The following TNNI3K variants were observed in gnomAD, a reference collection of about 807,000 sequenced individuals.
TNNI3K encodes serine/threonine-protein kinase TNNI3K.
Under a neutral mutation model 114.5 loss-of-function variants are expected in TNNI3K, and 140 were observed. The ratio of observed to expected loss-of-function variants is 1.22; its 90% CI spans 1.07 to 1.41. The LOEUF is 1.41. Ranked by LOEUF, TNNI3K falls within the 40% of genes most tolerant of loss-of-function variation. The probability of loss-of-function intolerance (pLI) is 0.00; values close to 1 mark genes in which losing one functional copy is unlikely to be tolerated. For missense variants in TNNI3K, 1,125 were observed against 1,007.6 expected, an observed-to-expected ratio of 1.12 and a Z score of -1.58; for synonymous variants, 347 against 347.5, an observed-to-expected ratio of 1.00 and a Z score of 0.02.
rs45608636 is a variant in TNNI3K at position 74,463,626 on chromosome 1, A to G, written c.2121+76A>G. 2,523 of 1,518,502 alleles carry G rather than the reference A, an allele frequency of 1.7e-3. 36 individuals carry two copies. In the African/African-American group the frequency reaches 0.031, roughly 18 times the overall value. 94.1% of individuals were successfully genotyped at this position (1,518,502 alleles called of 1,614,324 possible). A position where few individuals can be genotyped will look rare whatever the true frequency, so the allele number is the denominator to read the frequency against. ...CACAAATAGTATAACTCCAAAGTCT[A>G]CTTTCAGTGTGTATTTTAAGACTGT... is the stretch of plus-strand genomic sequence containing the variant. On this transcript the variant is annotated intron_variant, in intron 21 of 24. Coordinates refer to ENST00000326637, the MANE Select transcript of TNNI3K (RefSeq NM_015978.3).
chr1:74,436,001 T>C (rs1046475593), intron 17 of TNNI3K, 79 bp from the exon 18 acceptor site: 2 of 1,540,798 alleles, frequency 1.3e-6, no homozygotes, highest in Non-Finnish European at 1.7e-6. Flanking sequence ...TCTATGGTCC[T>C]CTTCTTTGAG....
At chr1:74,239,873 G>A in intron 2 of TNNI3K, 1 of 456,584 alleles carries the variant, frequency 2.2e-6, no homozygotes, top group Non-Finnish European at 4.6e-6. Flanking sequence ...CTTGATGTGG[G>A]AGAGAGGGGA....
chr1:74,323,887 G>C (rs1297055512), intron 5 of TNNI3K, among the ~76,000 whole-genome samples: 4 of 152,082 alleles, frequency 2.6e-5, no homozygotes, highest in Non-Finnish European at 5.9e-5. Flanking sequence ...CTTAAGAGAT[G>C]AACCGAAAAA....
At chr1:74,254,654 C>T (rs1263767152) in intron 4 of TNNI3K, among the ~76,000 whole-genome samples, 1 of 152,082 alleles carries the variant, frequency 6.6e-6, no homozygotes, top group Non-Finnish European at 1.5e-5. Flanking sequence ...AATTATACAC[C>T]CTGGCATGCT....
intron 17 of TNNI3K, chr1:74,373,998 C>T (rs992310004): frequency 6.6e-6 from 1 of 151,884 alleles, no homozygotes; most frequent in African/African-American, 2.4e-5. Context: ...TGCATATTTC[C>T]TATGCACATC....
rs150244105 is a variant in TNNI3K, at chr1:74,309,824, C to T, written c.445-21626C>T. Among the ~76,000 whole-genome samples the T allele has an allele frequency of 3.0e-3, 451 of 152,222 alleles. 2 individuals are homozygous for T. The highest frequency in any genetic ancestry group is 0.011 in the African/African-American group (440 of 41,542). On this transcript the variant is annotated intron_variant, in intron 5 of 24. Coordinates refer to ENST00000326637, the MANE Select transcript of TNNI3K (RefSeq NM_015978.3). ...AAACTTACTTCAAAATAGTAAGAGC[C>T]ATCTATGACAAACTATTACCCAACA...
At chr1:74,236,014 A>C (rs918634486) in intron 1 of TNNI3K, 88 bp from the exon 2 acceptor site, 2 of 913,208 alleles carry the variant, frequency 2.2e-6, no homozygotes, top group East Asian at 5.4e-5. Context: ...AGAATAAAAA[A>C]CAGTTTTGAT....
At chr1:74,451,743 C>CTTTCT (rs1557575292) in intron 20 of TNNI3K, among the ~76,000 whole-genome samples, 3 of 45,122 alleles carry the variant, frequency 6.6e-5, no homozygotes, top group Non-Finnish European at 1.4e-4. Context: ...TTCTTTCTTT[C>CTTTCT]TTTCTTTTCT....
intron 23 of TNNI3K, among the ~76,000 whole-genome samples, chr1:74,530,010 C>G (rs1355909): frequency 0.94 from 142,817 of 152,160 alleles, 67,148 homozygotes; most frequent in Middle Eastern, 0.97. Flanking sequence ...TGTCACCCAG[C>G]CTGGAGAACA....
chr1:74,478,755 T>C (rs1668330673), intron 21 of TNNI3K, among the ~76,000 whole-genome samples: 1 of 152,242 alleles, frequency 6.6e-6, no homozygotes, highest in Non-Finnish European at 1.5e-5. Flanking sequence ...TATGCGTGCA[T>C]CTGTGTGTTT....
chr1:74,543,096 G>C (rs1646747472), intron 24 of TNNI3K, among the ~76,000 whole-genome samples: 1 of 94,270 alleles, frequency 1.1e-5, no homozygotes, highest in Non-Finnish European at 2.0e-5. Flanking sequence ...TTTTTTTTGA[G>C]ATGGAGTCTT....
At chr1:74,272,560 A>G (rs143944883) in intron 5 of TNNI3K, among the ~76,000 whole-genome samples, 3 of 151,882 alleles carry the variant, frequency 2.0e-5, no homozygotes, top group African/African-American at 7.2e-5. Flanking sequence ...TTTGAGGGAC[A>G]TGATTGAGCC....
intron 24 of TNNI3K, 34 bp from the exon 25 acceptor site, chr1:74,543,872 A>G (rs201299624): frequency 1.2e-6 from 2 of 1,612,974 alleles, no homozygotes; most frequent in Admixed American, 1.7e-5. Context: ...CTGAAAGACT[A>G]GTAAGTAACA....
intron 17 of TNNI3K, among the ~76,000 whole-genome samples, chr1:74,430,558 T>C (rs1665844995): frequency 6.6e-6 from 1 of 152,174 alleles, no homozygotes. Context: ...TGGATTCTAT[T>C]CACATCGCTT....
chr1:74,339,531 C>G (rs1329105936), intron 7 of TNNI3K, among the ~76,000 whole-genome samples: 2 of 151,930 alleles, frequency 1.3e-5, no homozygotes, highest in Non-Finnish European at 2.9e-5. Context: ...ATAAATGACC[C>G]CAAAGAGAGT....
At chr1:74,466,106 G>A (rs1185312771) in intron 21 of TNNI3K, among the ~76,000 whole-genome samples, 1 of 152,166 alleles carries the variant, frequency 6.6e-6, no homozygotes, top group East Asian at 1.9e-4. Flanking sequence ...CCCACCAGAA[G>A]GAAGAAACTC....
chr1:74,355,852 A>C (rs1661625672), intron 11 of TNNI3K, among the ~76,000 whole-genome samples: 1 of 152,202 alleles, frequency 6.6e-6, no homozygotes, highest in Non-Finnish European at 1.5e-5. Context: ...AGTTAGATAT[A>C]GGCTTGCTGT....
intron 5 of TNNI3K, among the ~76,000 whole-genome samples, chr1:74,299,198 A>G (rs1658168790): frequency 6.6e-6 from 1 of 152,092 alleles, no homozygotes; most frequent in Non-Finnish European, 1.5e-5. Context: ...AGCAGCCTCT[A>G]CCCTGAAGCG....
chr1:74,413,638 C>T (rs1054179774), intron 17 of TNNI3K, among the ~76,000 whole-genome samples: 1 of 152,152 alleles, frequency 6.6e-6, no homozygotes, highest in East Asian at 1.9e-4. Flanking sequence ...ATTGGAGGCA[C>T]TTTAATTCTG....
Sources: allele counts gnomAD v4.1 joint callset (sites outside exome capture counted in the v4.1 genomes callset), GRCh38; gene constraint gnomAD v4.1.1; transcripts MANE v1.5; gene names NCBI Gene and HGNC (gene_info 2026-07-23, HGNC 2026-07-21).